The following KCNK9 variants were observed in gnomAD, a reference collection of about 807,000 sequenced individuals.
The protein encoded by KCNK9 is potassium channel subfamily K member 9.
KCNK9 carries 1 observed loss-of-function variant against 10.8 expected under a neutral mutation model. That is an observed-to-expected ratio of 0.09 (90% CI 0.03 to 0.44). The LOEUF (loss-of-function observed/expected upper bound fraction) is 0.44. KCNK9 is among the 20% of genes least tolerant of loss of function. The pLI is 0.97. For synonymous variants in KCNK9, 231 were observed against 222.7 expected (o/e 1.04, Z -0.33); for missense variants, 303 against 515.0 (o/e 0.59, Z 3.98).
chr8:139,618,096 G>C lies in KCNK9; in HGVS notation c.*162C>G, dbSNP rs953775923. On this transcript the variant is annotated 3_prime_UTR_variant, in exon 2 of 2. Coordinates refer to ENST00000520439, the MANE Select transcript of KCNK9 (RefSeq NM_001282534.2). This position sits in a 1 kb window ranked among gnomAD's most constrained non-coding sequence, Gnocchi z 7.9. The stretch of plus-strand genomic sequence containing the variant: ...TTGGCCTGCTCTGTCTGGCTGGAAA[G>C]GTGGGGGAAAATGAGACCAAGAGAC... 7.1e-6 allele frequency: 7 copies of C among 983,272 alleles called. No individual in the cohort carries two copies. Among genetic ancestry groups the C allele is most frequent in the African/African-American group, 3.3e-5 (2 of 61,050 alleles). 60.9% of individuals were successfully genotyped at this position (983,272 alleles called of 1,614,324 possible).
At chr8:139,603,407 T>G (rs1054523298) in intron 2 of KCNK9, among the ~76,000 whole-genome samples, 1 of 152,188 alleles carries the variant, frequency 6.6e-6, no homozygotes, top group East Asian at 1.9e-4. Flanking sequence ...TTGTGGATCG[T>G]GCACTGATTA....
chr8:139,605,876 C>A (rs566016179), intron 2 of KCNK9, among the ~76,000 whole-genome samples: 6 of 152,164 alleles, frequency 3.9e-5, no homozygotes, highest in Non-Finnish European at 8.8e-5. Flanking sequence ...TAAGCTGTGA[C>A]AATAATAAAT....
At chr8:139,623,969 G>C (rs1243061073) in intron 1 of KCNK9, among the ~76,000 whole-genome samples, 3 of 152,078 alleles carry the variant, frequency 2.0e-5, no homozygotes, top group African/African-American at 7.2e-5. Flanking sequence ...GCTGCAGGAG[G>C]GTTGCCAACC....
At chr8:139,626,801 A>T (rs1814992835) in intron 1 of KCNK9, among the ~76,000 whole-genome samples, 1 of 152,212 alleles carries the variant, frequency 6.6e-6, no homozygotes, top group African/African-American at 2.4e-5. Context: ...TGCCGGTAAG[A>T]ATTAAAACAG....
chr8:139,613,766 T>C (rs1814499995), downstream of KCNK9, among the ~76,000 whole-genome samples: 1 of 152,192 alleles, frequency 6.6e-6, no homozygotes, highest in Non-Finnish European at 1.5e-5. Flanking sequence ...CCTGTCCTCA[T>C]CTACGGTGTT....
At chr8:139,644,089 G>A (rs1452506843) in intron 1 of KCNK9, among the ~76,000 whole-genome samples, 2 of 152,218 alleles carry the variant, frequency 1.3e-5, no homozygotes, top group African/African-American at 4.8e-5. Context: ...GGAAGGGCCA[G>A]ACTCAAGCCC....
intron 1 of KCNK9, among the ~76,000 whole-genome samples, chr8:139,659,177 G>T (rs563797242): frequency 6.6e-6 from 1 of 152,308 alleles, no homozygotes; most frequent in South Asian, 2.1e-4. Context: ...GCGTGGATAC[G>T]ACCCTGACTC....
At chr8:139,671,716 T>A (rs1047466717) in intron 1 of KCNK9, among the ~76,000 whole-genome samples, 1 of 152,008 alleles carries the variant, frequency 6.6e-6, no homozygotes, top group Non-Finnish European at 1.5e-5. Flanking sequence ...AATGTAATTG[T>A]TTTTTGTATT....
At chr8:139,644,861 C>A (rs1815627195) in intron 1 of KCNK9, among the ~76,000 whole-genome samples, 2 of 152,186 alleles carry the variant, frequency 1.3e-5, no homozygotes, top group Non-Finnish European at 1.5e-5. Flanking sequence ...AAGAGCCCTG[C>A]CTCCCCCGCG....
At position 139,693,232 on chromosome 8, in the gene KCNK9, C is replaced by T. The variant is rs1461551001; in HGVS notation, c.283+9478G>A. Among the ~76,000 whole-genome samples, 2 of 152,192 alleles carry T rather than the reference C, an allele frequency of 1.3e-5. No homozygotes were observed. The highest frequency in any genetic ancestry group is 2.4e-5 in the African/African-American group (1 of 41,454). On this transcript the variant is annotated intron_variant, in intron 1 of 1. Coordinates refer to ENST00000520439, the MANE Select transcript of KCNK9 (RefSeq NM_001282534.2). This position sits in a 1 kb window ranked among gnomAD's most constrained non-coding sequence, Gnocchi z 4.1. ...TCCATTTCACAAGTAGGCATCTCTT[C>T]CTGCCAGATGCCCTGCAGACTCACA...
rs544272841 is a variant in KCNK9 at position 139,625,267 on chromosome 8, A to C, written c.284-6168T>G. Among the ~76,000 whole-genome samples the C allele has an allele frequency of 7.9e-5, 12 of 152,308 alleles. No homozygotes were observed. In the East Asian group the frequency reaches 2.3e-3, roughly 29 times the overall value. The stretch of plus-strand genomic sequence containing the variant: ...CACAGGGCCTTCTTAGCCGGTTACT[A>C]GGTGCCTCTCCCAGCCCCGGACCCT... On this transcript the variant is annotated intron_variant, in intron 1 of 1. Coordinates refer to ENST00000520439, the MANE Select transcript of KCNK9 (RefSeq NM_001282534.2).
intron 1 of KCNK9, among the ~76,000 whole-genome samples, chr8:139,643,017 G>A (rs1277231158): frequency 1.3e-5 from 2 of 152,120 alleles, no homozygotes; most frequent in East Asian, 1.9e-4. Flanking sequence ...CCCAGCCTCT[G>A]CATCTGATAA....
intron 1 of KCNK9, among the ~76,000 whole-genome samples, chr8:139,694,399 A>G (rs571568414): frequency 6.6e-6 from 1 of 152,338 alleles, no homozygotes; most frequent in East Asian, 1.9e-4. Flanking sequence ...TCTCCGTTTC[A>G]TAGATGAGGG....
intron 1 of KCNK9, among the ~76,000 whole-genome samples, chr8:139,670,018 C>T (rs1816391907): frequency 6.6e-6 from 1 of 152,214 alleles, no homozygotes; most frequent in Non-Finnish European, 1.5e-5. Context: ...TGAAAGGAAT[C>T]TCTTTTTCTG....
intron 1 of KCNK9, among the ~76,000 whole-genome samples, chr8:139,662,627 T>C (rs1415741937): frequency 6.6e-6 from 1 of 152,014 alleles, no homozygotes; most frequent in Non-Finnish European, 1.5e-5. Flanking sequence ...CAGTCAGCCA[T>C]ACCCCACCCC....
At chr8:139,611,273 T>A (rs1350195230), downstream of KCNK9, 1 of 152,240 alleles carries the variant, frequency 6.6e-6, no homozygotes, top group Non-Finnish European at 1.5e-5. Context: ...CAGTAGGTGT[T>A]ATGTATAATC....
intron 1 of KCNK9, among the ~76,000 whole-genome samples, chr8:139,661,239 A>C (rs1816143539): frequency 6.6e-6 from 1 of 152,140 alleles, no homozygotes; most frequent in Non-Finnish European, 1.5e-5. Context: ...TGTGTGACAC[A>C]CCATATGCCC....
chr8:139,663,622 C>A (rs2129712924), intron 1 of KCNK9, among the ~76,000 whole-genome samples: 1 of 150,604 alleles, frequency 6.6e-6, no homozygotes, highest in Middle Eastern at 3.4e-3. Context: ...TCACGTTTTC[C>A]CCCCAGGAAC....
downstream of KCNK9, among the ~76,000 whole-genome samples, chr8:139,608,867 G>A (rs998678053): frequency 1.3e-5 from 2 of 152,210 alleles, no homozygotes; most frequent in Admixed American, 1.3e-4. Flanking sequence ...GGTTTTGTCT[G>A]TGGTGCTGAG....
Sources: allele counts gnomAD v4.1 joint callset (sites outside exome capture counted in the v4.1 genomes callset), GRCh38; gene constraint gnomAD v4.1.1; non-coding constraint Gnocchi (gnomAD v3.1); transcripts MANE v1.5; gene names NCBI Gene and HGNC (gene_info 2026-07-23, HGNC 2026-07-21).